CREB5: variants seen among roughly 807,000 people sequenced by gnomAD.
CREB5 encodes the protein cAMP responsive element binding protein 5, also known as cyclic AMP-responsive element-binding protein 5.
CREB5 carries 19 observed loss-of-function variants against 57.1 expected under a neutral mutation model. That is an observed-to-expected ratio of 0.33 (90% CI 0.23 to 0.49). CREB5 has a LOEUF of 0.49. Among genes scored for constraint, CREB5 ranks in the 20% least tolerant of loss-of-function variants. The pLI, the probability that CREB5 is intolerant of heterozygous loss-of-function variation, is 0.99. For missense variants in CREB5, 579 were observed against 671.6 expected, an observed-to-expected ratio of 0.86 and a Z score of 1.52; for synonymous variants, 238 against 238.3, an observed-to-expected ratio of 1.00 and a Z score of 0.01.
At chr7:28,377,011 C>G (rs142287662) in intron 1 of CREB5, among the ~76,000 whole-genome samples, 3 of 152,208 alleles carry the variant, frequency 2.0e-5, no homozygotes, top group Non-Finnish European at 4.4e-5. Flanking sequence ...CCATCCCAGC[C>G]CATGCCCTCT....
intron 4 of CREB5, among the ~76,000 whole-genome samples, chr7:28,531,290 A>G (rs1180675117): frequency 6.6e-6 from 1 of 152,138 alleles, no homozygotes; most frequent in Non-Finnish European, 1.5e-5. Context: ...GAAGTCCGAG[A>G]TCAAGGTGTT....
At chr7:28,486,695 T>TA (rs1282046289) in intron 1 of CREB5, among the ~76,000 whole-genome samples, 6 of 132,584 alleles carry the variant, frequency 4.5e-5, no homozygotes, top group Admixed American at 1.5e-4. Context: ...TATATATATG[T>TA]TACTGTGTGG....
intron 5 of CREB5, among the ~76,000 whole-genome samples, chr7:28,672,339 A>G (rs1800093893): frequency 6.6e-6 from 1 of 152,164 alleles, no homozygotes; most frequent in South Asian, 2.1e-4. Context: ...ATTAAAGGAG[A>G]TAACAGATTG....
chr7:28,761,890 G>A (rs1805682472), intron 7 of CREB5, among the ~76,000 whole-genome samples: 1 of 152,196 alleles, frequency 6.6e-6, no homozygotes, highest in African/African-American at 2.4e-5. Context: ...AAACTAGTGT[G>A]ATCCTGCTTG....
chr7:28,301,916 G>C (rs1026714673), intron 1 of CREB5, among the ~76,000 whole-genome samples: 1 of 152,186 alleles, frequency 6.6e-6, no homozygotes, highest in African/African-American at 2.4e-5. Context: ...CAAATTCTCT[G>C]GAGGTTTGCC....
chr7:28,627,258 A>G lies in CREB5; in HGVS notation c.464+56721A>G, dbSNP rs140029605. On this transcript the variant is annotated intron_variant, in intron 5 of 10. Transcript: ENST00000357727. ...TTTCTGATAGCCCAGCATTTGATAGAGAAAAATTTAAGATCACCTCGAATT... is the reference window on the plus strand; with the variant it reads ...TTTCTGATAGCCCAGCATTTGATAGGGAAAAATTTAAGATCACCTCGAATT... Among the ~76,000 whole-genome samples, 44 of 152,342 alleles carry G rather than the reference A, an allele frequency of 2.9e-4. No individual in the cohort carries two copies. The East Asian group carries it at 7.7e-3, about 27-fold the overall frequency.
chr7:28,615,672 G>T (rs1269288304), intron 5 of CREB5: 2 of 152,268 alleles, frequency 1.3e-5, no homozygotes, highest in African/African-American at 4.8e-5. Context: ...AAAAGTCAAT[G>T]ATTTTAGACT....
At position 28,545,948 on chromosome 7, in the gene CREB5, A is replaced by G. The variant is rs558737020; in HGVS notation, c.292-24417A>G. On this transcript the variant is annotated intron_variant, in intron 4 of 10. Coordinates refer to ENST00000357727, the MANE Select transcript of CREB5 (RefSeq NM_182898.4). ...TCTAACTGCTCTGCAGCATTCCGTC[A>G]TCTGAATGTACCCATTTTATTTATC... is the stretch of plus-strand genomic sequence containing the variant. Among the ~76,000 whole-genome samples the G allele has an allele frequency of 2.6e-5, 4 of 152,310 alleles. No individual in the cohort carries two copies. In the South Asian group the frequency reaches 6.2e-4, roughly 24 times the overall value.
At chr7:28,435,726 G>A in intron 1 of CREB5, 1 of 913,184 alleles carries the variant, frequency 1.1e-6, no homozygotes. Context: ...TGTGACAGAT[G>A]AACCAAACAC....
intron 5 of CREB5, among the ~76,000 whole-genome samples, chr7:28,680,401 A>T (rs992574472): frequency 6.6e-6 from 1 of 152,112 alleles, no homozygotes; most frequent in South Asian, 2.1e-4. Flanking sequence ...AACATGAATC[A>T]GTGTAGTTAG....
At chr7:28,649,455 C>CAGTT (rs1313137831) in intron 5 of CREB5, among the ~76,000 whole-genome samples, 1 of 152,190 alleles carries the variant, frequency 6.6e-6, no homozygotes, top group Non-Finnish European at 1.5e-5. Flanking sequence ...CTGAGTGGAG[C>CAGTT]AGTTGCAATG....
intron 5 of CREB5, among the ~76,000 whole-genome samples, chr7:28,718,205 C>A (rs914096849): frequency 2.0e-5 from 3 of 152,240 alleles, no homozygotes; most frequent in Non-Finnish European, 4.4e-5. Flanking sequence ...GATCCGGCTT[C>A]TTTGGTTTGT....
intron 1 of CREB5, among the ~76,000 whole-genome samples, chr7:28,374,297 T>C (rs967295998): frequency 3.9e-5 from 6 of 152,064 alleles, no homozygotes; most frequent in African/African-American, 1.4e-4. Flanking sequence ...AATGGAGAAG[T>C]TTGGCTGTTT....
intron 5 of CREB5, among the ~76,000 whole-genome samples, chr7:28,607,980 G>GGGTAATGT (rs1457150882): frequency 1.3e-5 from 2 of 152,002 alleles, no homozygotes; most frequent in Non-Finnish European, 2.9e-5. Context: ...GGTGTTTCCT[G>GGGTAATGT]GGTAATGTCA....
At chr7:28,574,868 T>C (rs1240530329) in intron 5 of CREB5, among the ~76,000 whole-genome samples, 1 of 152,240 alleles carries the variant, frequency 6.6e-6, no homozygotes, top group Non-Finnish European at 1.5e-5. Flanking sequence ...ATTTTAATCC[T>C]GGAACATATA....
At chr7:28,605,981 C>T (rs955152196) in intron 5 of CREB5, among the ~76,000 whole-genome samples, 3 of 152,090 alleles carry the variant, frequency 2.0e-5, no homozygotes, top group African/African-American at 7.2e-5. Context: ...TAAAACTCAA[C>T]GACTGAACAC....
chr7:28,732,168 C>T (rs1036036362), intron 7 of CREB5, among the ~76,000 whole-genome samples: 3 of 152,150 alleles, frequency 2.0e-5, no homozygotes, highest in East Asian at 1.9e-4. Flanking sequence ...CCCTCACAAC[C>T]GGCTCCTTGT....
At chr7:28,653,717 C>A (rs988874716) in intron 5 of CREB5, among the ~76,000 whole-genome samples, 1 of 152,228 alleles carries the variant, frequency 6.6e-6, no homozygotes, top group African/African-American at 2.4e-5. Flanking sequence ...GCTGGTAAAC[C>A]AGCTCCCTGG....
intron 7 of CREB5, 62 bp from the exon 8 acceptor site, chr7:28,804,137 A>G: frequency 6.7e-7 from 1 of 1,502,736 alleles, no homozygotes; most frequent in South Asian, 1.2e-5. Flanking sequence ...TTGCTTTTAA[A>G]TCTCTATCAT....
Sources: gnomAD v4.1 joint callset for allele counts (sites outside exome capture counted in the v4.1 genomes callset) on GRCh38, gnomAD v4.1.1 for gene constraint, MANE v1.5 for transcripts, NCBI Gene and HGNC (gene_info 2026-07-23, HGNC 2026-07-21) for gene names.